Variants in EPHB1 observed in about 807,000 individuals in gnomAD.
EPHB1 encodes the protein ephrin type-B receptor 1.
EPHB1 carries 30 observed loss-of-function variants against 94.4 expected under a neutral mutation model. The ratio of observed to expected loss-of-function variants is 0.32; its 90% confidence interval spans 0.24 to 0.43. EPHB1 has a LOEUF of 0.43. Ranked by LOEUF, EPHB1 falls within the 20% of genes least tolerant of loss-of-function variation. The pLI is 1.00. For synonymous variants in EPHB1, 522 were observed against 489.1 expected (o/e 1.07, Z -0.89); for missense variants, 1,055 against 1,308.3 (o/e 0.81, Z 2.99).
chr3:135,162,509 C>T (rs1401613622), intron 7 of EPHB1, among the ~76,000 whole-genome samples: 1 of 152,174 alleles, frequency 6.6e-6, no homozygotes, highest in East Asian at 1.9e-4. Flanking sequence ...TTCACCCTCA[C>T]GCCCACTTCA....
chr3:134,922,047 TC>T (rs1166891008), intron 1 of EPHB1, among the ~76,000 whole-genome samples: 3 of 152,166 alleles, frequency 2.0e-5, no homozygotes, highest in East Asian at 3.9e-4. Context: ...GAGTACGTGC[TC>T]CCAGAGGGTG....
At chr3:135,224,362 T>C (rs1026460269) in intron 12 of EPHB1, among the ~76,000 whole-genome samples, 2 of 152,242 alleles carry the variant, frequency 1.3e-5, no homozygotes, top group Admixed American at 1.3e-4. Context: ...TATTTTCTGA[T>C]ATTTCTCATA....
intron 5 of EPHB1, among the ~76,000 whole-genome samples, chr3:135,133,904 G>A (rs976008187): frequency 6.6e-6 from 1 of 152,188 alleles, no homozygotes; most frequent in African/African-American, 2.4e-5. Flanking sequence ...CATGTACTGT[G>A]TGCCACGCTG....
intron 1 of EPHB1, among the ~76,000 whole-genome samples, chr3:134,805,622 G>A (rs749159744): frequency 1.3e-5 from 2 of 152,094 alleles, no homozygotes; most frequent in Non-Finnish European, 2.9e-5. Context: ...TGCATGTGCT[G>A]CACAGCTGCA....
intron 3 of EPHB1, among the ~76,000 whole-genome samples, chr3:135,006,809 A>T (rs974836393): frequency 3.4e-5 from 5 of 146,942 alleles, no homozygotes; most frequent in African/African-American, 1.3e-4. Flanking sequence ...AAATTTTGAT[A>T]TATGATGCCA....
intron 2 of EPHB1, among the ~76,000 whole-genome samples, chr3:134,946,564 T>C (rs186379099): frequency 2.0e-5 from 3 of 152,262 alleles, no homozygotes; most frequent in African/African-American, 4.8e-5. Flanking sequence ...GTGATATTGT[T>C]TGGATGTTTG....
rs562040702 is a variant in EPHB1, at chr3:134,850,565, G to A, written c.58+54876G>A. Among the ~76,000 whole-genome samples, 6 of 152,356 alleles carry A rather than the reference G, an allele frequency of 3.9e-5. No homozygotes were observed. In the South Asian group the frequency reaches 1.0e-3, roughly 26 times the overall value. ...CTGTTCACCGTCGGGTGGGGCAGAGGATGGGGAAGTGTGGGGCAGGAAGAG... is the reference window on the plus strand; with the variant it reads ...CTGTTCACCGTCGGGTGGGGCAGAGAATGGGGAAGTGTGGGGCAGGAAGAG... On this transcript the variant is annotated intron_variant, in intron 1 of 15. Transcript: ENST00000398015.
chr3:134,909,191 G>A (rs1199981410), intron 1 of EPHB1, among the ~76,000 whole-genome samples: 1 of 152,038 alleles, frequency 6.6e-6, no homozygotes, highest in Non-Finnish European at 1.5e-5. Context: ...GGAGGTCCTG[G>A]CCTCTCATAA....
intron 5 of EPHB1, among the ~76,000 whole-genome samples, chr3:135,144,760 T>C (rs549125666): frequency 3.9e-5 from 6 of 152,206 alleles, no homozygotes; most frequent in Non-Finnish European, 8.8e-5. Flanking sequence ...AGGCCAGGCA[T>C]GAAGCCCTCA....
chr3:135,083,062 G>A (rs1938218034), intron 3 of EPHB1, among the ~76,000 whole-genome samples: 1 of 152,214 alleles, frequency 6.6e-6, no homozygotes, highest in South Asian at 2.1e-4. Flanking sequence ...GCCATGTCCA[G>A]CTGTGTTCAC....
chr3:135,201,380 C>T, intron 11 of EPHB1, 94 bp from the exon 12 acceptor site: 2 of 1,297,266 alleles, frequency 1.5e-6, no homozygotes, highest in Non-Finnish European at 2.2e-6. Context: ...CTGGAGCAGA[C>T]AGAAGCTGAC....
intron 11 of EPHB1, among the ~76,000 whole-genome samples, chr3:135,198,479 C>T (rs2107712055): frequency 6.6e-6 from 1 of 152,328 alleles, no homozygotes; most frequent in Admixed American, 6.5e-5. Context: ...TTTAGGCCTG[C>T]ATCATTAGGT....
rs141601035 is a variant in EPHB1, at chr3:135,089,429, C to T, written c.806-17019C>T. Among the ~76,000 whole-genome samples, 342 of 152,316 alleles carry T rather than the reference C, an allele frequency of 2.2e-3. 1 individual carries two copies. Among genetic ancestry groups the T allele is most frequent in the African/African-American group, 7.8e-3 (324 of 41,572 alleles). ...ACATGCTTAAATTCTTATTGTTGCT[C>T]TTATTAATAAAACAATTGTTATTAA... On this transcript the variant is annotated intron_variant, in intron 3 of 15. Transcript: ENST00000398015.
intron 1 of EPHB1, among the ~76,000 whole-genome samples, chr3:134,820,667 A>G (rs142601592): frequency 2.1e-3 from 316 of 152,110 alleles, no homozygotes; most frequent in African/African-American, 7.3e-3. Context: ...TTTTGTATTT[A>G]TCTGTGTTTG....
chr3:134,907,274 T>TC (rs1369609871), intron 1 of EPHB1, among the ~76,000 whole-genome samples: 1 of 152,210 alleles, frequency 6.6e-6, no homozygotes, highest in Non-Finnish European at 1.5e-5. Flanking sequence ...TGACTTCAAC[T>TC]CCAGTGCTCT....
chr3:135,012,112 T>A (rs755092195), intron 3 of EPHB1, among the ~76,000 whole-genome samples: 7 of 152,318 alleles, frequency 4.6e-5, no homozygotes, highest in Middle Eastern at 3.4e-3. Context: ...GAAGGTGCCT[T>A]GTCCTGAAGG....
intron 1 of EPHB1, among the ~76,000 whole-genome samples, chr3:134,838,902 T>G (rs2036727686): frequency 6.6e-6 from 1 of 152,178 alleles, no homozygotes; most frequent in Non-Finnish European, 1.5e-5. Flanking sequence ...CCTAGGCAGA[T>G]CCAAATAAAA....
chr3:134,976,342 T>C (rs1934192317), intron 3 of EPHB1, among the ~76,000 whole-genome samples: 2 of 152,128 alleles, frequency 1.3e-5, no homozygotes, highest in Admixed American at 1.3e-4. Flanking sequence ...CCCTGGCAAA[T>C]GCAGGAGAAC....
intron 1 of EPHB1, among the ~76,000 whole-genome samples, chr3:134,848,787 A>G (rs1288878159): frequency 6.6e-6 from 1 of 152,176 alleles, no homozygotes; most frequent in Non-Finnish European, 1.5e-5. Context: ...CCTGCCATCA[A>G]GCTTCTTCAT....
Sources: allele counts gnomAD v4.1 joint callset (sites outside exome capture counted in the v4.1 genomes callset), GRCh38; gene constraint gnomAD v4.1.1; transcripts MANE v1.5; gene names NCBI Gene and HGNC (gene_info 2026-07-23, HGNC 2026-07-21).